Variants in CACNA1B observed in about 807,000 individuals in gnomAD.
CACNA1B encodes the protein calcium voltage-gated channel subunit alpha1 B.
Under a neutral mutation model 247.2 loss-of-function variants are expected in CACNA1B, and 70 were observed. That is an observed-to-expected ratio of 0.28 (90% CI 0.23 to 0.35). CACNA1B has a LOEUF of 0.35. Among genes scored for constraint, CACNA1B ranks in the 10% least tolerant of loss-of-function variants. The probability of loss-of-function intolerance (pLI) is 1.00; values close to 1 mark genes in which losing one functional copy is unlikely to be tolerated. For synonymous variants in CACNA1B, 1,231 were observed against 1,294.4 expected (o/e 0.95, Z 1.05); for missense variants, 2,367 against 3,197.4 (o/e 0.74, Z 6.26).
At chr9:138,091,702 TAATG>T (rs1960885043) in intron 36 of CACNA1B, among the ~76,000 whole-genome samples, 1 of 151,936 alleles carries the variant, frequency 6.6e-6, no homozygotes. Context: ...ATTAAAAAAA[TAATG>T]AAAGCAAAAC....
At chr9:138,035,990 T>G (rs2133456425) in intron 20 of CACNA1B, among the ~76,000 whole-genome samples, 1 of 152,344 alleles carries the variant, frequency 6.6e-6, no homozygotes. Flanking sequence ...AAATTTCTAA[T>G]TGACAGAGAT....
intron 23 of CACNA1B, among the ~76,000 whole-genome samples, chr9:138,048,457 G>T (rs1415364502): frequency 6.6e-6 from 1 of 152,154 alleles, no homozygotes; most frequent in Non-Finnish European, 1.5e-5. Context: ...GATCTCAGCC[G>T]GTCACAAGCC....
At chr9:138,118,924 G>C (rs531763181) in intron 44 of CACNA1B, among the ~76,000 whole-genome samples, 156 bp downstream of exon 44, 86 of 152,162 alleles carry the variant, frequency 5.7e-4, no homozygotes, top group Non-Finnish European at 9.7e-4. Context: ...CAGGCACCCC[G>C]GGCAGTCCTG....
chr9:137,886,464 G>C (rs1301848511), intron 3 of CACNA1B, among the ~76,000 whole-genome samples: 2 of 150,786 alleles, frequency 1.3e-5, no homozygotes, highest in Admixed American at 1.3e-4. Context: ...CAGCCAGGTG[G>C]GCAGCCCTGC....
At chr9:137,964,451 T>C (rs1958053401) in intron 10 of CACNA1B, among the ~76,000 whole-genome samples, 1 of 152,218 alleles carries the variant, frequency 6.6e-6, no homozygotes, top group African/African-American at 2.4e-5. Context: ...GTCTTCCAGC[T>C]CTGAGATTCT....
At chr9:137,884,966 C>CCTT (rs1554919680) in intron 3 of CACNA1B, among the ~76,000 whole-genome samples, 3 of 107,726 alleles carry the variant, frequency 2.8e-5, no homozygotes, top group Middle Eastern at 4.5e-3. Flanking sequence ...TTCCCCCCCC[C>CCTT]CCTCCTCCCA....
At position 137,888,994 on chromosome 9, in the gene CACNA1B, G is replaced by T. The variant is rs12156506; in HGVS notation, c.530+6111G>T. 1.4e-5 allele frequency among the ~76,000 whole-genome samples: 2 copies of T among 147,084 alleles called. No individual in the cohort carries two copies. Among genetic ancestry groups the T allele is most frequent in the African/African-American group, 5.0e-5 (2 of 40,074 alleles). Reference sequence around the variant, plus strand: ...GACAGCCCAGAGACGCTGCCTTCCCGCAAGGCGACCTGACGCTGTGTCTGA... The same window carrying T: ...GACAGCCCAGAGACGCTGCCTTCCCTCAAGGCGACCTGACGCTGTGTCTGA... On this transcript the variant is annotated intron_variant, in intron 3 of 46. Transcript: ENST00000371372. The surrounding 1 kb of genome is among the most constrained non-coding windows in gnomAD (Gnocchi z 4.7).
intron 20 of CACNA1B, among the ~76,000 whole-genome samples, chr9:138,029,817 G>A (rs761410036): frequency 2.0e-5 from 3 of 152,030 alleles, no homozygotes; most frequent in Non-Finnish European, 4.4e-5. Flanking sequence ...GTTTCACCAT[G>A]TTGGCCAGGC....
intron 36 of CACNA1B, among the ~76,000 whole-genome samples, chr9:138,088,425 A>G (rs1286227145): frequency 6.6e-6 from 1 of 152,198 alleles, no homozygotes; most frequent in Non-Finnish European, 1.5e-5. Flanking sequence ...AGCTAGATTA[A>G]GCAAGAAAAT....
At position 137,971,250 on chromosome 9, in the gene CACNA1B, C is replaced by A. The variant is rs1356614815; in HGVS notation, c.1334-133C>A. The A allele has an allele frequency of 1.1e-5, 7 of 658,800 alleles. No homozygotes were observed. Among genetic ancestry groups the A allele is most frequent in the Non-Finnish European group, 1.6e-5 (6 of 369,640 alleles). The allele number at this position is 658,800 out of a possible 1,614,324, so 40.8% of individuals were successfully genotyped here. A position where few individuals can be genotyped will look rare whatever the true frequency, so the allele number is the denominator to read the frequency against. On this transcript the variant is annotated intron_variant, in intron 10 of 46. Transcript: ENST00000371372. This position sits in a 1 kb window ranked among gnomAD's most constrained non-coding sequence, Gnocchi z 4.4. The stretch of plus-strand genomic sequence containing the variant: ...GCTGTGAAGTGGAGGTCACAGGGGT[C>A]ACTGGCACAATTGTCTGTGACCGGC...
In CACNA1B at chr9:138,051,865, T is replaced by TA. The variant is rs1032825062; in HGVS notation, c.3711-226dup. Among the ~76,000 whole-genome samples the TA allele has an allele frequency of 2.6e-5, 4 of 152,146 alleles. No individual in the cohort carries two copies. Among genetic ancestry groups the TA allele is most frequent in the Non-Finnish European group, 5.9e-5 (4 of 68,028 alleles). On this transcript the variant is annotated intron_variant, in intron 24 of 46. Coordinates refer to ENST00000371372, the MANE Select transcript of CACNA1B (RefSeq NM_000718.4). This position sits in a 1 kb window ranked among gnomAD's most constrained non-coding sequence, Gnocchi z 4.3. ...CCTTGTGCACCAGATGCTGCTGCCC[T>TA]AGCCCCAGCTCCTGTCCTTAGATGA...
rs753837922 is a variant in CACNA1B, at chr9:138,023,223, G to C, written c.2480G>C (p.Arg827Pro). The C allele has an allele frequency of 8.6e-6, 13 of 1,509,944 alleles. No homozygotes were observed. In the East Asian group the frequency reaches 3.4e-4, roughly 39 times the overall value. 93.5% of individuals were successfully genotyped at this position (1,509,944 alleles called of 1,614,324 possible). ...LVVELGRDGARGPVGGKARPE... is the reference protein window; with the variant it reads ...LVVELGRDGAPGPVGGKARPE... The stretch of plus-strand genomic sequence containing the variant: ...GTGGAGCTGGGCCGCGACGGCGCGC[G>C]GGGGCCCGTGGGAGGCAAAGCCCGA... Residue 827 changes from arginine (R) to proline (P), a missense_variant, in exon 19 of 47, where the codon CGG becomes CCG. Arg to Pro is a moderately radical substitution (Grantham distance 103, BLOSUM62 -2). Transcript: ENST00000371372.
chr9:137,931,518 G>A (rs544529392), intron 6 of CACNA1B, among the ~76,000 whole-genome samples: 2 of 152,124 alleles, frequency 1.3e-5, no homozygotes, highest in Admixed American at 6.5e-5. Context: ...AGCACAAATC[G>A]GCCTTAGGTT....
intron 10 of CACNA1B, among the ~76,000 whole-genome samples, chr9:137,970,955 G>A (rs1958139377): frequency 6.6e-6 from 1 of 152,222 alleles, no homozygotes; most frequent in Non-Finnish European, 1.5e-5. Context: ...TGAGTCCGGA[G>A]GGCGAGAGAG....
chr9:138,073,541 C>A lies in CACNA1B; in HGVS notation c.4728C>A (p.Ile1576=), dbSNP rs968506249. The change falls in exon 33 of 47, where the codon ATC becomes ATA. Residue 1576 remains isoleucine, a synonymous_variant. Transcript: ENST00000371372. This position sits in a 1 kb window ranked among gnomAD's most constrained non-coding sequence, Gnocchi z 6.4. The part of the protein sequence containing the change: ...FLRLFRAARL[I]KLLRQGYTIR... ...GCCTCTTTCGAGCTGCGCGGCTGATCAAGCTGCTCCGCCAGGGCTACACCA... is the reference window on the plus strand; with the variant it reads ...GCCTCTTTCGAGCTGCGCGGCTGATAAAGCTGCTCCGCCAGGGCTACACCA... 1.2e-5 allele frequency: 20 copies of A among 1,613,412 alleles called. No individual in the cohort carries two copies. The highest frequency in any genetic ancestry group is 1.5e-5 in the Non-Finnish European group (18 of 1,179,548).
intron 36 of CACNA1B, among the ~76,000 whole-genome samples, chr9:138,094,457 A>AAAAAAAAAAAAAAAAAAAGAAGAAG (rs752912258): frequency 2.2e-5 from 3 of 134,832 alleles, no homozygotes; most frequent in Admixed American, 7.4e-5. Flanking sequence ...AAAAAAAAAA[A>AAAAAAAAAAAAAAAAAAAGAAGAAG]AAGAAGAAGA....
At chr9:137,938,551 G>A (rs1957695713) in intron 6 of CACNA1B, among the ~76,000 whole-genome samples, 1 of 152,008 alleles carries the variant, frequency 6.6e-6, no homozygotes, top group African/African-American at 2.4e-5. Flanking sequence ...TAAGGTAAAG[G>A]TGTGGAAAAA....
At chr9:138,080,843 G>A (rs1234020458) in intron 36 of CACNA1B, among the ~76,000 whole-genome samples, 2 of 152,198 alleles carry the variant, frequency 1.3e-5, no homozygotes, top group East Asian at 3.9e-4. Flanking sequence ...GCTTTGCAGG[G>A]TGCAGTAGGA....
At chr9:138,009,379 G>C (rs1378278577) in intron 16 of CACNA1B, among the ~76,000 whole-genome samples, 1 of 152,248 alleles carries the variant, frequency 6.6e-6, no homozygotes, top group African/African-American at 2.4e-5. Context: ...ATGCCGCAAA[G>C]AAGAGGCCCC....
Sources: allele counts gnomAD v4.1 joint callset (sites outside exome capture counted in the v4.1 genomes callset), GRCh38; gene constraint gnomAD v4.1.1; non-coding constraint Gnocchi (gnomAD v3.1); transcripts MANE v1.5; gene names NCBI Gene and HGNC (gene_info 2026-07-23, HGNC 2026-07-21).